Variants in FUT8 observed in about 807,000 individuals in gnomAD.
FUT8 encodes alpha-(1,6)-fucosyltransferase.
Under a neutral mutation model 71.3 loss-of-function variants are expected in FUT8, and 29 were observed. The observed-to-expected ratio is 0.41, with a 90% CI of 0.30 to 0.55. The LOEUF is 0.55. Among genes scored for constraint, FUT8 ranks in the 20% least tolerant of loss-of-function variants. The pLI is 0.34. For synonymous variants in FUT8, 254 were observed against 239.3 expected (o/e 1.06, Z -0.57); for missense variants, 544 against 702.1 (o/e 0.77, Z 2.55).
chr14:65,613,863 G>A (rs1461589794), intron 3 of FUT8, among the ~76,000 whole-genome samples: 1 of 152,108 alleles, frequency 6.6e-6, no homozygotes, highest in Admixed American at 6.6e-5. Flanking sequence ...CTGTAATTCA[G>A]CACTTTGGGA....
intron 6 of FUT8, among the ~76,000 whole-genome samples, chr14:65,666,327 G>T (rs1221234460): frequency 6.6e-6 from 1 of 151,910 alleles, no homozygotes; most frequent in Non-Finnish European, 1.5e-5. Flanking sequence ...CTTGTCACCT[G>T]TAAAGAGAAG....
the FUT8 span, among the ~76,000 whole-genome samples, chr14:65,403,475 T>C: frequency 3.3e-5 from 5 of 152,226 alleles, no homozygotes; most frequent in African/African-American, 1.2e-4. Context: ...CAATGAAAAT[T>C]AATTAACTCA....
upstream of FUT8, among the ~76,000 whole-genome samples, chr14:65,406,209 A>C (rs1463832763): frequency 6.6e-6 from 1 of 152,256 alleles, no homozygotes; most frequent in East Asian, 1.9e-4. Context: ...AACATTTACT[A>C]TATGTCAAGA....
At chr14:65,506,637 A>G (rs2066739331) in intron 2 of FUT8, among the ~76,000 whole-genome samples, 1 of 152,166 alleles carries the variant, frequency 6.6e-6, no homozygotes. Context: ...AAAAAAATGT[A>G]TTTTTAATTT....
intron 1 of FUT8, among the ~76,000 whole-genome samples, chr14:65,441,836 A>C (rs888789937): frequency 6.6e-6 from 1 of 150,406 alleles, no homozygotes; most frequent in African/African-American, 2.5e-5. Context: ...TCTAGGGTAC[A>C]TGTGCACAAC....
At chr14:65,488,932 G>GA (rs33920097) in intron 2 of FUT8, among the ~76,000 whole-genome samples, 9,573 of 151,400 alleles carry the variant, frequency 0.063, 540 homozygotes, top group South Asian at 0.2. Flanking sequence ...AACTTGAATA[G>GA]AAAAAAAACA....
intron 1 of FUT8, among the ~76,000 whole-genome samples, chr14:65,455,247 A>G (rs1353118419): frequency 1.3e-5 from 2 of 152,194 alleles, no homozygotes; most frequent in African/African-American, 4.8e-5. Flanking sequence ...ATCGAGGGGA[A>G]ATACAAAAGA....
rs911748011 is a variant in FUT8 at position 65,489,139 on chromosome 14, C to T, written c.-228+33421C>T. 6.6e-6 allele frequency among the ~76,000 whole-genome samples: 1 copy of T among 152,140 alleles called. No individual in the cohort carries two copies. The highest frequency in any genetic ancestry group is 1.9e-4 in the East Asian group (1 of 5,202). The stretch of plus-strand genomic sequence containing the variant: ...GATTTTTTGTTGTTCAGCAAATTAT[C>T]ATGAAAAATTCAATAATGTTGCTTT... On this transcript the variant is annotated intron_variant, in intron 2 of 10. Transcript: ENST00000673929. This position sits in a 1 kb window ranked among gnomAD's most constrained non-coding sequence, Gnocchi z 4.0.
At chr14:65,499,047 A>G (rs2066604084) in intron 2 of FUT8, among the ~76,000 whole-genome samples, 1 of 152,144 alleles carries the variant, frequency 6.6e-6, no homozygotes, top group African/African-American at 2.4e-5. Flanking sequence ...GATTTCAGTT[A>G]CTTCCCAAAT....
intron 2 of FUT8, among the ~76,000 whole-genome samples, chr14:65,539,536 G>A (rs1884551706): frequency 6.6e-6 from 1 of 152,102 alleles, no homozygotes; most frequent in African/African-American, 2.4e-5. Flanking sequence ...AAGTATGTAC[G>A]ACTCTGGGCA....
chr14:65,431,659 C>T (rs1446550313), intron 1 of FUT8, among the ~76,000 whole-genome samples: 1 of 32,858 alleles, frequency 3.0e-5, no homozygotes, highest in Admixed American at 6.0e-4. Context: ...TTTGTAGGTT[C>T]ACTTTTTTTT....
chr14:65,616,337 C>A lies in FUT8; in HGVS notation c.446C>A (p.Ala149Glu), dbSNP rs201242327. ...GAAGGAAATGAACTCCAAAGACATG[C>A]AGATGAATTTCTTTTGGATTTAGGA... ...NLEGNELQRHADEFLLDLGHH... is the reference protein window; with the variant it reads ...NLEGNELQRHEDEFLLDLGHH... The change falls in exon 5 of 11, where the codon GCA becomes GAA. Residue 149 changes from alanine (A) to glutamate (E), a missense_variant. Transcript: ENST00000673929. 2.9e-5 allele frequency: 46 copies of A among 1,607,648 alleles called. No homozygotes were observed. The highest frequency in any genetic ancestry group is 3.7e-5 in the Non-Finnish European group (43 of 1,177,710).
At chr14:65,585,083 G>A (rs1887308125) in intron 3 of FUT8, among the ~76,000 whole-genome samples, 1 of 151,994 alleles carries the variant, frequency 6.6e-6, no homozygotes, top group African/African-American at 2.4e-5. Context: ...CAACTGTTAG[G>A]ATGTTTGCTC....
chr14:65,580,622 A>T (rs1887040744), intron 3 of FUT8, among the ~76,000 whole-genome samples: 1 of 152,056 alleles, frequency 6.6e-6, no homozygotes, highest in Admixed American at 6.6e-5. Context: ...AGGTATTGGT[A>T]GCTTCCAATA....
chr14:65,405,240 T>C, the FUT8 span, among the ~76,000 whole-genome samples: 1 of 152,182 alleles, frequency 6.6e-6, no homozygotes, highest in Admixed American at 6.6e-5. Flanking sequence ...TAGATCTCAA[T>C]AGGCAGAATT....
chr14:65,654,031 T>C (rs1031498294), intron 6 of FUT8, among the ~76,000 whole-genome samples: 1 of 152,176 alleles, frequency 6.6e-6, no homozygotes, highest in Non-Finnish European at 1.5e-5. Flanking sequence ...ATGAAGAAAG[T>C]ACAAATTAAT....
chr14:65,613,621 G>A (rs773650334), intron 3 of FUT8, among the ~76,000 whole-genome samples: 3 of 152,140 alleles, frequency 2.0e-5, no homozygotes, highest in Non-Finnish European at 4.4e-5. Context: ...TTATGCTCCT[G>A]TTCAATGTTA....
intron 2 of FUT8, among the ~76,000 whole-genome samples, chr14:65,522,109 G>T (rs531267014): frequency 6.6e-6 from 1 of 152,220 alleles, no homozygotes; most frequent in East Asian, 1.9e-4. Context: ...ATCTATGCAT[G>T]GGAAGATACT....
In FUT8 at chr14:65,467,615, T is replaced by C. The variant is rs1488971044; in HGVS notation, c.-228+11897T>C. On this transcript the variant is annotated intron_variant, in intron 2 of 10. Transcript: ENST00000673929. The surrounding 1 kb of genome is among the most constrained non-coding windows in gnomAD (Gnocchi z 4.1). ...CCTCAGCCTCCTGAGTAGCTGGAAT[T>C]AGAGGCGCCCATCACCACGCCCAGC... Among the ~76,000 whole-genome samples the C allele has an allele frequency of 6.6e-6, 1 of 152,128 alleles. No individual in the cohort carries two copies. Among genetic ancestry groups the C allele is most frequent in the Non-Finnish European group, 1.5e-5 (1 of 68,020 alleles).
Sources: allele counts gnomAD v4.1 joint callset (sites outside exome capture counted in the v4.1 genomes callset), GRCh38; gene constraint gnomAD v4.1.1; non-coding constraint Gnocchi (gnomAD v3.1); transcripts MANE v1.5; gene names NCBI Gene and HGNC (gene_info 2026-07-23, HGNC 2026-07-21).